The following CDK14 variants were observed in gnomAD, a reference collection of about 807,000 sequenced individuals.
The protein encoded by CDK14 is cyclin-dependent kinase 14.
CDK14 carries 34 observed loss-of-function variants against 60.7 expected under a neutral mutation model. The ratio of observed to expected loss-of-function variants is 0.56; its 90% confidence interval spans 0.43 to 0.75. The LOEUF is 0.75. CDK14 is among the 30% of genes least tolerant of loss of function. CDK14 has a pLI of 0.00. For missense variants in CDK14, 482 were observed against 564.1 expected, an observed-to-expected ratio of 0.85 and a Z score of 1.47; for synonymous variants, 197 against 203.7, an observed-to-expected ratio of 0.97 and a Z score of 0.28.
At chr7:90,667,019 T>C (rs916883923) in intron 2 of CDK14, among the ~76,000 whole-genome samples, 8 of 152,252 alleles carry the variant, frequency 5.3e-5, no homozygotes, top group African/African-American at 1.9e-4. Flanking sequence ...AACTTTTTCT[T>C]GCTGAACTAT....
intron 14 of CDK14, among the ~76,000 whole-genome samples, chr7:91,134,412 C>G (rs550766552): frequency 6.6e-6 from 1 of 152,204 alleles, no homozygotes; most frequent in South Asian, 2.1e-4. Flanking sequence ...CCCGCTTGCC[C>G]AGACCTGAAC....
intron 2 of CDK14, among the ~76,000 whole-genome samples, chr7:90,687,343 A>G (rs1234070344): frequency 1.3e-5 from 2 of 152,100 alleles, no homozygotes; most frequent in Non-Finnish European, 2.9e-5. Flanking sequence ...GGGCTGGTCT[A>G]AAAGTTAGGC....
intron 14 of CDK14, among the ~76,000 whole-genome samples, chr7:91,193,483 A>T (rs1192252320): frequency 6.6e-6 from 1 of 152,148 alleles, no homozygotes; most frequent in Non-Finnish European, 1.5e-5. Context: ...TGGTGAGAGT[A>T]GGAAAGGGGC....
chr7:90,886,235 T>C (rs1007149885), intron 6 of CDK14, among the ~76,000 whole-genome samples: 1 of 152,130 alleles, frequency 6.6e-6, no homozygotes, highest in Non-Finnish European at 1.5e-5. Flanking sequence ...CACAAGTATG[T>C]TTTCTTTTTT....
chr7:90,679,614 A>G (rs1363161812), intron 2 of CDK14, among the ~76,000 whole-genome samples: 1 of 152,186 alleles, frequency 6.6e-6, no homozygotes, highest in Non-Finnish European at 1.5e-5. Flanking sequence ...TAGTACAGAG[A>G]AATGGAGAGC....
intron 7 of CDK14, among the ~76,000 whole-genome samples, chr7:90,901,281 G>A (rs1792497621): frequency 6.6e-6 from 1 of 152,116 alleles, no homozygotes; most frequent in Non-Finnish European, 1.5e-5. Flanking sequence ...TTAATGATGA[G>A]TGAAATGTGT....
At chr7:91,089,791 C>T (rs959757471) in intron 12 of CDK14, among the ~76,000 whole-genome samples, 7 of 152,174 alleles carry the variant, frequency 4.6e-5, no homozygotes, top group Non-Finnish European at 8.8e-5. Flanking sequence ...TTAGGGATTA[C>T]ACCAGGCTCC....
chr7:90,919,188 T>G (rs1793169703), intron 8 of CDK14, among the ~76,000 whole-genome samples: 1 of 152,186 alleles, frequency 6.6e-6, no homozygotes, highest in Admixed American at 6.5e-5. Context: ...ATGATTTTCT[T>G]ATGGTGTGTT....
chr7:90,674,027 A>G (rs983356273), intron 2 of CDK14, among the ~76,000 whole-genome samples: 1 of 152,198 alleles, frequency 6.6e-6, no homozygotes, highest in Non-Finnish European at 1.5e-5. Flanking sequence ...TTATGGAAAC[A>G]CTATTTGACG....
intron 4 of CDK14, among the ~76,000 whole-genome samples, chr7:90,772,787 C>T (rs1261417952): frequency 6.6e-6 from 1 of 152,140 alleles, no homozygotes; most frequent in Non-Finnish European, 1.5e-5. Flanking sequence ...GACTAATACA[C>T]TGGGTTTCTA....
At chr7:91,035,069 A>T (rs1796882294) in intron 10 of CDK14, among the ~76,000 whole-genome samples, 1 of 152,078 alleles carries the variant, frequency 6.6e-6, no homozygotes, top group East Asian at 1.9e-4. Flanking sequence ...ACACTGTAGA[A>T]AGTGGGGAAG....
intron 14 of CDK14, among the ~76,000 whole-genome samples, chr7:91,200,138 A>T (rs536701555): frequency 6.6e-6 from 1 of 152,360 alleles, no homozygotes; most frequent in African/African-American, 2.4e-5. Flanking sequence ...AACACATTAA[A>T]TTCACTCAAA....
intron 10 of CDK14, among the ~76,000 whole-genome samples, chr7:91,005,504 A>G (rs1388468963): frequency 6.6e-6 from 1 of 152,212 alleles, no homozygotes; most frequent in East Asian, 1.9e-4. Context: ...AAAAATTTCA[A>G]AGGCTTTATT....
intron 2 of CDK14, among the ~76,000 whole-genome samples, chr7:90,679,403 G>A (rs573683216): frequency 6.6e-6 from 1 of 152,272 alleles, no homozygotes; most frequent in South Asian, 2.1e-4. Flanking sequence ...TTTACCTGAA[G>A]TATTTCTATG....
At position 90,895,727 on chromosome 7, in the gene CDK14, ATTT is replaced by A. The variant is rs35655255; in HGVS notation, c.640-3547_640-3545del. Among the ~76,000 whole-genome samples, 419 of 105,016 alleles carry A rather than the reference ATTT, an allele frequency of 4.0e-3. 5 individuals carry two copies. Among genetic ancestry groups the A allele is most frequent in the African/African-American group, 0.013 (349 of 26,480 alleles). 68.9% of individuals were successfully genotyped at this position (105,016 alleles called of 152,430 possible). A position where few individuals can be genotyped will look rare whatever the true frequency, so the allele number is the denominator to read the frequency against. On this transcript the variant is annotated intron_variant, in intron 6 of 14. Coordinates refer to ENST00000380050, the MANE Select transcript of CDK14 (RefSeq NM_001287135.2). ...ATGCACTTGCCATTGCACTTGGCTA[ATTT>A]TTTTTTTTTTTTTTTTGAGATTTTT...
At position 90,789,218 on chromosome 7, in the gene CDK14, A is replaced by G. The variant is rs114430769; in HGVS notation, c.465-1355A>G. Among the ~76,000 whole-genome samples the G allele has an allele frequency of 5.7e-3, 871 of 152,332 alleles. 14 individuals carry two copies. The highest frequency in any genetic ancestry group is 0.02 in the African/African-American group (838 of 41,586). On this transcript the variant is annotated intron_variant, in intron 4 of 14. Coordinates refer to ENST00000380050, the MANE Select transcript of CDK14 (RefSeq NM_001287135.2). ...ATTAAACTTAGTATGCTATACTCAT[A>G]CATAAGAACACCCTGTGGTTTTTGA...
At chr7:90,826,420 C>T (rs1036495667) in intron 5 of CDK14, among the ~76,000 whole-genome samples, 5 of 151,924 alleles carry the variant, frequency 3.3e-5, no homozygotes, top group African/African-American at 9.7e-5. Flanking sequence ...GGTTTCACCA[C>T]GTTGTCCAGG....
rs79402933 is a variant in CDK14, at chr7:91,206,436, C to T, written c.*29-729C>T. 3.1e-4 allele frequency among the ~76,000 whole-genome samples: 47 copies of T among 152,300 alleles called. 2 individuals are homozygous for T. The East Asian group carries it at 8.7e-3, about 28-fold the overall frequency. ...GATCCCTCAGCTATGTGCCTTGAACCTGGGAGTGTTTCCACCCATCCTGGC... is the reference window on the plus strand; with the variant it reads ...GATCCCTCAGCTATGTGCCTTGAACTTGGGAGTGTTTCCACCCATCCTGGC... On this transcript the variant is annotated intron_variant, in intron 14 of 14. Transcript: ENST00000380050.
intron 14 of CDK14, among the ~76,000 whole-genome samples, chr7:91,141,818 TTGTTGTTGC>T (rs1800470744): frequency 6.6e-6 from 1 of 151,706 alleles, no homozygotes. Context: ...GTTGTTGTTG[TTGTTGTTGC>T]TGTTGTTCTT....
Sources: gnomAD v4.1 joint callset for allele counts (sites outside exome capture counted in the v4.1 genomes callset) on GRCh38, gnomAD v4.1.1 for gene constraint, MANE v1.5 for transcripts, NCBI Gene and HGNC (gene_info 2026-07-23, HGNC 2026-07-21) for gene names.